The following AREL1 variants were observed in gnomAD, a reference collection of about 807,000 sequenced individuals.
AREL1 encodes the protein apoptosis resistant E3 ubiquitin protein ligase 1, also known as apoptosis-resistant E3 ubiquitin protein ligase 1.
In AREL1, 62 loss-of-function variants were observed where a neutral mutation model predicts 99.0. The ratio of observed to expected loss-of-function variants is 0.63; its 90% confidence interval spans 0.51 to 0.77. The LOEUF is 0.77. Among genes scored for constraint, AREL1 ranks in the 30% least tolerant of loss-of-function variants. The pLI is 0.00. For missense variants in AREL1, 879 were observed against 1,027.6 expected, an observed-to-expected ratio of 0.86 and a Z score of 1.98; for synonymous variants, 380 against 376.5, an observed-to-expected ratio of 1.01 and a Z score of -0.11.
chr14:74,692,785 C>G (rs1369949498), intron 1 of AREL1, among the ~76,000 whole-genome samples: 2 of 152,142 alleles, frequency 1.3e-5, no homozygotes, highest in Non-Finnish European at 1.5e-5. Context: ...CTCACTGCAG[C>G]CTTGACCTCC....
At position 74,685,707 on chromosome 14, in the gene AREL1, T is replaced by G. The variant is rs1001286105; in HGVS notation, c.-45-47A>C. ...AGTTTTTGTCTCCAACTCTGCCTCA[T>G]AGCTATCTCAGAGTAAGACAAAGAA... On this transcript the variant is annotated intron_variant, in intron 2 of 19. Coordinates refer to ENST00000356357, the MANE Select transcript of AREL1 (RefSeq NM_001039479.2). 5 of 1,533,676 alleles carry G rather than the reference T, an allele frequency of 3.3e-6. No individual in the cohort carries two copies. In the African/African-American group the frequency reaches 6.9e-5, roughly 21 times the overall value.
chr14:74,677,649 C>A (rs2089522751), intron 5 of AREL1, among the ~76,000 whole-genome samples: 2 of 150,766 alleles, frequency 1.3e-5, no homozygotes, highest in African/African-American at 4.9e-5. Flanking sequence ...ACTACAGGCA[C>A]CCGCCACTAC....
At chr14:74,712,898 T>A in intron 1 of AREL1, 35 bp downstream of exon 1, 3 of 612,958 alleles carry the variant, frequency 4.9e-6, no homozygotes, top group Non-Finnish European at 9.1e-6. Flanking sequence ...AGGCAGGTCT[T>A]CTGGGCTCTG....
intron 1 of AREL1, among the ~76,000 whole-genome samples, chr14:74,702,824 G>A (rs1594780530): frequency 6.6e-6 from 1 of 152,148 alleles, no homozygotes; most frequent in Non-Finnish European, 1.5e-5. Flanking sequence ...TCTAGGGCAG[G>A]AGCAAAATGA....
intron 1 of AREL1, among the ~76,000 whole-genome samples, chr14:74,709,435 T>G (rs1252410840): frequency 6.6e-6 from 1 of 152,222 alleles, no homozygotes; most frequent in African/African-American, 2.4e-5. Flanking sequence ...TCCTCTAAAA[T>G]ATTTCAACTC....
At chr14:74,686,498 A>G (rs888611315) in intron 2 of AREL1, among the ~76,000 whole-genome samples, 1 of 152,232 alleles carries the variant, frequency 6.6e-6, no homozygotes, top group Non-Finnish European at 1.5e-5. Flanking sequence ...CAGGCTGTAT[A>G]TGCTATTTTA....
chr14:74,687,195 A>G (rs752685748), intron 2 of AREL1, among the ~76,000 whole-genome samples: 10 of 152,340 alleles, frequency 6.6e-5, no homozygotes, highest in Middle Eastern at 3.4e-3. Context: ...GAAATGAAGT[A>G]TATGTGGCTG....
intron 1 of AREL1, among the ~76,000 whole-genome samples, chr14:74,700,379 T>C (rs1357178511): frequency 1.3e-5 from 2 of 152,252 alleles, no homozygotes; most frequent in Non-Finnish European, 2.9e-5. Flanking sequence ...GTTTATATTC[T>C]TTCTCTACTC....
chr14:74,705,024 T>A (rs1250948381), intron 1 of AREL1, among the ~76,000 whole-genome samples: 8 of 152,064 alleles, frequency 5.3e-5, no homozygotes, highest in Admixed American at 2.0e-4. Context: ...ATGCACTATT[T>A]AAGTTACAGT....
chr14:74,662,637 A>G lies in AREL1; in HGVS notation c.*1083T>C, dbSNP rs765140628. On this transcript the variant is annotated 3_prime_UTR_variant, in exon 20 of 20. Coordinates refer to ENST00000356357, the MANE Select transcript of AREL1 (RefSeq NM_001039479.2). ...GGTTGGCAGGTGTTTACTGTGTAAC[A>G]TATCACCTCCATGTTCATCCCTAGT... 5 of 398,364 alleles carry G rather than the reference A, an allele frequency of 1.3e-5. No individual in the cohort carries two copies. The highest frequency in any genetic ancestry group is 1.8e-5 in the Non-Finnish European group (4 of 226,048). The allele number at this position is 398,364 out of a possible 1,614,324, so 24.7% of individuals were successfully genotyped here.
At chr14:74,671,880 G>A (rs142677726) in intron 11 of AREL1, 46 of 351,596 alleles carry the variant, frequency 1.3e-4, no homozygotes, top group African/African-American at 9.4e-4. Context: ...CTATCCACTA[G>A]ACATATTTAT....
rs1594758469 is a variant in AREL1 at position 74,672,738 on chromosome 14, A to G, written c.1422+93T>C. 7.8e-6 allele frequency: 12 copies of G among 1,535,734 alleles called. No individual in the cohort carries two copies. In the East Asian group the frequency reaches 2.7e-4, roughly 35 times the overall value. ...CAATAGAGTGAGACCCTATCTCCCA[A>G]ACAAAAACAAAAACAAAAACAGTAA... On this transcript the variant is annotated intron_variant, in intron 11 of 19. Transcript: ENST00000356357.
At chr14:74,707,006 G>C (rs764661625) in intron 1 of AREL1, among the ~76,000 whole-genome samples, 2 of 152,152 alleles carry the variant, frequency 1.3e-5, no homozygotes, top group Non-Finnish European at 1.5e-5. Flanking sequence ...TCGTCAGAGG[G>C]GATTCTTGGA....
At position 74,673,171 on chromosome 14, in the gene AREL1, C is replaced by T. The variant is rs202100309; in HGVS notation, c.1206G>A (p.Val402=). 9.8e-4 allele frequency: 1,574 copies of T among 1,614,052 alleles called. 2 individuals are homozygous for T. The highest frequency in any genetic ancestry group is 1.2e-3 in the Non-Finnish European group (1,446 of 1,180,042). The change falls in exon 10 of 20, where the codon GTG becomes GTA. Residue 402 remains valine (V), a synonymous_variant. Coordinates refer to ENST00000356357, the MANE Select transcript of AREL1 (RefSeq NM_001039479.2). The part of the protein sequence containing the change: ...PDPVHKLLTL[V]VDDGIQPPVE... Reference sequence around the variant, plus strand: ...CAGGAGGTTGAATGCCATCATCCACCACCAGTGTGAGCAGCTTATGGACAG... The same window carrying T: ...CAGGAGGTTGAATGCCATCATCCACTACCAGTGTGAGCAGCTTATGGACAG...
rs756093138 is a variant in AREL1 at position 74,712,899 on chromosome 14, C to G, written c.-334+34G>C. Reference sequence around the variant, plus strand: ...TGGAACTCTGGTAAAGGCAGGTCTTCTGGGCTCTGCCTAAGGCTGGAGAGA... The same window carrying G: ...TGGAACTCTGGTAAAGGCAGGTCTTGTGGGCTCTGCCTAAGGCTGGAGAGA... On this transcript the variant is annotated intron_variant, in intron 1 of 19. Coordinates refer to ENST00000356357, the MANE Select transcript of AREL1 (RefSeq NM_001039479.2). 1.1e-5 allele frequency: 7 copies of G among 616,020 alleles called. No individual in the cohort carries two copies. In the East Asian group the frequency reaches 2.3e-4, roughly 20 times the overall value. The allele number at this position is 616,020 out of a possible 1,614,324, so 38.2% of individuals were successfully genotyped here.
Position 74,712,984 on chromosome 14 carries a change from G to A in AREL1, c.-385C>T, listed in dbSNP as rs1010571525. 3 of 768,948 alleles carry A rather than the reference G, an allele frequency of 3.9e-6. No homozygotes were observed. The allele number at this position is 768,948 out of a possible 1,614,324, so 47.6% of individuals were successfully genotyped here. On this transcript the variant is annotated 5_prime_UTR_variant, in exon 1 of 20. Coordinates refer to ENST00000356357, the MANE Select transcript of AREL1 (RefSeq NM_001039479.2). ...AGTTCCACCTCCGCTGTCCTGGGAA[G>A]GGGCGGCAGCACTCAGCAGAAGACG...
chr14:74,675,594 T>C, intron 8 of AREL1, 105 bp downstream of exon 8: 2 of 1,467,746 alleles, frequency 1.4e-6, no homozygotes, highest in South Asian at 2.7e-5. Context: ...TAGTTAACAA[T>C]CTTGCCCTGA....
At chr14:74,708,875 C>T (rs1050868211) in intron 1 of AREL1, among the ~76,000 whole-genome samples, 4 of 152,188 alleles carry the variant, frequency 2.6e-5, no homozygotes, top group South Asian at 2.1e-4. Context: ...CTCTATAAAC[C>T]CTATCTTGTA....
chr14:74,671,717 G>A (rs1249190940), intron 11 of AREL1, among the ~76,000 whole-genome samples: 1 of 152,148 alleles, frequency 6.6e-6, no homozygotes, highest in Non-Finnish European at 1.5e-5. Flanking sequence ...CACTTTGTTG[G>A]AAAGCTGAAG....
Sources: gnomAD v4.1 joint callset for allele counts (sites outside exome capture counted in the v4.1 genomes callset) on GRCh38, gnomAD v4.1.1 for gene constraint, MANE v1.5 for transcripts, NCBI Gene and HGNC (gene_info 2026-07-23, HGNC 2026-07-21) for gene names.